The following TNS3 variants were observed in gnomAD, a reference collection of about 807,000 sequenced individuals.
TNS3 encodes the protein tensin 3, also known as tensin-3.
TNS3 carries 45 observed loss-of-function variants against 140.9 expected under a neutral mutation model. That is an observed-to-expected ratio of 0.32 (90% confidence interval 0.25 to 0.41). The LOEUF (loss-of-function observed/expected upper bound fraction) is 0.41. TNS3 is among the 10% of genes least tolerant of loss of function. TNS3 has a pLI of 1.00. For synonymous variants in TNS3, 815 were observed against 788.4 expected, an observed-to-expected ratio of 1.03 and a Z score of -0.56; for missense variants, 1,716 against 1,906.7, an observed-to-expected ratio of 0.90 and a Z score of 1.86.
intron 20 of TNS3, among the ~76,000 whole-genome samples, chr7:47,339,287 C>G (rs768092015): frequency 1.3e-5 from 2 of 152,166 alleles, no homozygotes; most frequent in African/African-American, 4.8e-5. Context: ...CTAGTGATCC[C>G]AAAGATTTTC....
At chr7:47,545,141 A>ATAT (rs1554353534) in intron 1 of TNS3, among the ~76,000 whole-genome samples, 1 of 121,970 alleles carries the variant, frequency 8.2e-6, no homozygotes, top group Non-Finnish European at 1.7e-5. Context: ...GTAAGAGGGC[A>ATAT]TTTTTTTTTT....
At chr7:47,302,125 C>A in intron 23 of TNS3, 61 bp downstream of exon 23, 3 of 1,425,056 alleles carry the variant, frequency 2.1e-6, no homozygotes, top group Non-Finnish European at 2.0e-6. Flanking sequence ...CATCTTCACA[C>A]AAGGCAGCGA....
At chr7:47,365,490 G>GC (rs1790641059) in intron 17 of TNS3, among the ~76,000 whole-genome samples, 1 of 151,596 alleles carries the variant, frequency 6.6e-6, no homozygotes, top group Admixed American at 6.6e-5. Context: ...TTGGCTGGGA[G>GC]CAACGGCTCA....
chr7:47,409,508 G>A (rs536480129), intron 13 of TNS3, among the ~76,000 whole-genome samples: 1 of 152,278 alleles, frequency 6.6e-6, no homozygotes, highest in Non-Finnish European at 1.5e-5. Flanking sequence ...GGACGGAGCC[G>A]TGGGGCAATA....
intron 20 of TNS3, among the ~76,000 whole-genome samples, chr7:47,312,492 T>C (rs1976916): frequency 0.28 from 41,978 of 151,688 alleles, 6,084 homozygotes; most frequent in South Asian, 0.34. Flanking sequence ...CACCTGAGGT[T>C]AGAAGTTCAA....
At chr7:47,528,026 G>C (rs965292709) in intron 2 of TNS3, among the ~76,000 whole-genome samples, 2 of 152,104 alleles carry the variant, frequency 1.3e-5, no homozygotes, top group Non-Finnish European at 2.9e-5. Context: ...GTGGCTCCCT[G>C]GTCTCTGGCT....
chr7:47,289,663 A>G (rs537114601), intron 27 of TNS3, among the ~76,000 whole-genome samples: 2 of 152,352 alleles, frequency 1.3e-5, no homozygotes, highest in South Asian at 2.1e-4. Context: ...CACCTCCCAA[A>G]AACTACTTAC....
In TNS3 at chr7:47,428,294, C is replaced by A; in HGVS notation, c.389+18G>T. ...GCTTTTAGCACCTCAAGACAGCGAG[C>A]TGACATCTTCATCCTACCTGGCTGA... On this transcript the variant is annotated intron_variant, in intron 9 of 30. Transcript: ENST00000311160. 1 of 1,413,308 alleles carries A rather than the reference C, an allele frequency of 7.1e-7. No homozygotes were observed. Among genetic ancestry groups the A allele is most frequent in the Non-Finnish European group, 9.3e-7 (1 of 1,076,474 alleles). The allele number at this position is 1,413,308 out of a possible 1,614,324, so 87.5% of individuals were successfully genotyped here.
intron 25 of TNS3, 98 bp from the exon 26 acceptor site, chr7:47,293,003 G>A (rs1458664814): frequency 9.5e-7 from 1 of 1,057,882 alleles, no homozygotes; most frequent in Non-Finnish European, 1.4e-6. Flanking sequence ...TGCAAAGGCT[G>A]AGCCCTTATC....
chr7:47,275,747 T>A lies in TNS3; in HGVS notation c.*2329A>T. The A allele has an allele frequency of 2.2e-6, 1 of 451,838 alleles. No homozygotes were observed. The highest frequency in any genetic ancestry group is 1.6e-5 in the South Asian group (1 of 64,278). The allele number at this position is 451,838 out of a possible 1,614,324, so 28.0% of individuals were successfully genotyped here. The stretch of plus-strand genomic sequence containing the variant: ...AGGGAGCTATCTGCTTGGAGCAAAT[T>A]CCCCGATGCCCTTGACCACGTTTAC... On this transcript the variant is annotated 3_prime_UTR_variant, in exon 31 of 31. Transcript: ENST00000311160.
chr7:47,375,398 C>T (rs940762936), intron 16 of TNS3, among the ~76,000 whole-genome samples: 5 of 152,188 alleles, frequency 3.3e-5, no homozygotes, highest in African/African-American at 7.2e-5. Context: ...TAAATACAGC[C>T]CTGAATGACT....
intron 14 of TNS3, 151 bp downstream of exon 14, chr7:47,400,634 A>C: frequency 7.1e-7 from 1 of 1,404,926 alleles, no homozygotes. Context: ...TTTTTCCCCC[A>C]GGGATCAATG....
chr7:47,581,344 C>T (rs1784528519), intron 1 of TNS3: 1 of 151,246 alleles, frequency 6.6e-6, no homozygotes. Flanking sequence ...ATCCCCCCAC[C>T]CCGAGGTCCC....
intron 10 of TNS3, among the ~76,000 whole-genome samples, chr7:47,423,217 G>A (rs188760365): frequency 5.3e-5 from 8 of 152,322 alleles, no homozygotes; most frequent in Non-Finnish European, 2.9e-5. Context: ...TCTCCAAAAC[G>A]GAACACCATT....
intron 8 of TNS3, among the ~76,000 whole-genome samples, chr7:47,430,578 T>G (rs894667778): frequency 2.0e-5 from 3 of 152,120 alleles, no homozygotes; most frequent in African/African-American, 7.2e-5. Flanking sequence ...TTAGACCAAA[T>G]AGACCTTACA....
chr7:47,485,022 C>G (rs909715288), intron 3 of TNS3, among the ~76,000 whole-genome samples: 1 of 152,216 alleles, frequency 6.6e-6, no homozygotes, highest in Admixed American at 6.5e-5. Flanking sequence ...ACTGCATCCC[C>G]TGAGACCGTC....
chr7:47,278,106 C>T lies in TNS3; in HGVS notation c.4308G>A (p.Lys1436=), dbSNP rs373269947. The T allele has an allele frequency of 1.6e-4, 266 of 1,614,126 alleles. 1 individual carries two copies. The African/African-American group carries it at 3.2e-3, about 19-fold the overall frequency. Residue 1436 remains lysine (K), a synonymous_variant, in exon 31 of 31, where the codon AAG becomes AAA. Transcript: ENST00000311160. ...PASAIVNFVS[K]VMIGSPKKV is the part of the protein sequence containing the mutation. ...CCTTCTTTGGGGAACCAATCATGAC[C>T]TTTGATACGAAGTTGACAATGGCAC...
chr7:47,543,453 C>T lies in TNS3; in HGVS notation c.-264-14306G>A, dbSNP rs1163337155. Among the ~76,000 whole-genome samples, 9 of 152,326 alleles carry T rather than the reference C, an allele frequency of 5.9e-5. 1 individual carries two copies. In the South Asian group the frequency reaches 8.3e-4, roughly 14 times the overall value. On this transcript the variant is annotated intron_variant, in intron 1 of 30. Transcript: ENST00000311160. Reference sequence around the variant, plus strand: ...GTGGGGAGCTGACTTCCAGTCCCTGCGGTGAGGGGGCTTTCGCCCAGGCTC... The same window carrying T: ...GTGGGGAGCTGACTTCCAGTCCCTGTGGTGAGGGGGCTTTCGCCCAGGCTC...
At position 47,572,080 on chromosome 7, in the gene TNS3, C is replaced by G. The variant is rs114436301; in HGVS notation, c.-265+9971G>C. Among the ~76,000 whole-genome samples the G allele has an allele frequency of 6.1e-3, 936 of 152,340 alleles. 11 individuals are homozygous for G. Among genetic ancestry groups the G allele is most frequent in the African/African-American group, 0.021 (881 of 41,572 alleles). ...TAGGTGTGAGGCTGCAGAGACCTCC[C>G]CATGGGCTCCGCACAGACAACCAGA... On this transcript the variant is annotated intron_variant, in intron 1 of 30. Coordinates refer to ENST00000311160, the MANE Select transcript of TNS3 (RefSeq NM_022748.12).
Sources: gnomAD v4.1 joint callset for allele counts (sites outside exome capture counted in the v4.1 genomes callset) on GRCh38, gnomAD v4.1.1 for gene constraint, MANE v1.5 for transcripts, NCBI Gene and HGNC (gene_info 2026-07-23, HGNC 2026-07-21) for gene names.